Variants in PHIP observed in about 807,000 individuals in gnomAD.
PHIP encodes PHIP subunit of CUL4-Ring ligase complex, also known as PH-interacting protein.
Under a neutral mutation model 236.8 loss-of-function variants are expected in PHIP, and 54 were observed. The ratio of observed to expected loss-of-function variants is 0.23; its 90% CI spans 0.18 to 0.29. PHIP has a LOEUF of 0.29. Ranked by LOEUF, PHIP falls within the 10% of genes least tolerant of loss-of-function variation. The pLI, the probability that PHIP is intolerant of heterozygous loss-of-function variation, is 1.00. For synonymous variants in PHIP, 756 were observed against 718.9 expected (o/e 1.05, Z -0.83); for missense variants, 1,370 against 2,190.8 (o/e 0.63, Z 7.48).
At chr6:79,014,934 G>A (rs1770769324) in intron 15 of PHIP, 148 bp downstream of exon 15, 1 of 601,446 alleles carries the variant, frequency 1.7e-6, no homozygotes, top group Non-Finnish European at 2.9e-6. Context: ...CAATAAAAGT[G>A]TGGAATAAAT....
intron 15 of PHIP, among the ~76,000 whole-genome samples, chr6:79,007,483 A>G (rs1368790376): frequency 6.6e-6 from 1 of 152,100 alleles, no homozygotes; most frequent in Admixed American, 6.5e-5. Flanking sequence ...AAAATTCAGG[A>G]TCTCAATTAT....
intron 6 of PHIP, among the ~76,000 whole-genome samples, chr6:79,058,656 C>T (rs1249919646): frequency 6.6e-6 from 1 of 152,002 alleles, no homozygotes; most frequent in Non-Finnish European, 1.5e-5. Flanking sequence ...ATAATAGTTC[C>T]TACCTATAGA....
intron 19 of PHIP, 49 bp downstream of exon 19, chr6:78,997,365 A>C (rs1225271340): frequency 6.5e-7 from 1 of 1,542,796 alleles, no homozygotes; most frequent in Admixed American, 1.7e-5. Context: ...GTTAACTCCA[A>C]AATGAACCCA....
At position 78,935,657 on chromosome 6, in the gene PHIP, C is replaced by T; in HGVS notation, c.*5036G>A. The T allele has an allele frequency of 1.0e-6, 1 of 983,546 alleles. No homozygotes were observed. The highest frequency in any genetic ancestry group is 1.2e-6 in the Non-Finnish European group (1 of 828,258). The allele number at this position is 983,546 out of a possible 1,614,324, so 60.9% of individuals were successfully genotyped here. A position where few individuals can be genotyped will look rare whatever the true frequency, so the allele number is the denominator to read the frequency against. On this transcript the variant is annotated 3_prime_UTR_variant, in exon 40 of 40. Coordinates refer to ENST00000275034, the MANE Select transcript of PHIP (RefSeq NM_017934.7). ...CTTCAGTTGTTTTGGAATTAAATTA[C>T]ATTTCGGCACCCAAATATCTTTTAA...
chr6:78,971,134 C>A (rs556759741), intron 24 of PHIP, among the ~76,000 whole-genome samples: 80 of 152,256 alleles, frequency 5.3e-4, no homozygotes, highest in African/African-American at 1.9e-3. Flanking sequence ...TCTGGTTTCA[C>A]CATTTTATTC....
At chr6:79,003,180 G>GCCCAC (rs1253282900) in intron 16 of PHIP, among the ~76,000 whole-genome samples, 1 of 151,916 alleles carries the variant, frequency 6.6e-6, no homozygotes, top group Non-Finnish European at 1.5e-5. Context: ...TGAAATGAGA[G>GCCCAC]GATTGTTTGA....
At chr6:79,077,763 C>G in intron 2 of PHIP, 34 bp from the exon 3 acceptor site, 1 of 980,794 alleles carries the variant, frequency 1.0e-6, no homozygotes, top group African/African-American at 1.8e-5. Context: ...CTGAGCCCCG[C>G]GCCCCGGGCC....
At chr6:78,955,582 A>T in intron 33 of PHIP, 31 bp downstream of exon 33, 1 of 723,876 alleles carries the variant, frequency 1.4e-6, no homozygotes, top group Non-Finnish European at 2.4e-6. Context: ...AGAGAATATC[A>T]ATATGGTAAT....
At chr6:79,005,327 A>C (rs1468867573) in intron 15 of PHIP, among the ~76,000 whole-genome samples, 1 of 151,986 alleles carries the variant, frequency 6.6e-6, no homozygotes, top group African/African-American at 2.4e-5. Flanking sequence ...CTATTTCTCC[A>C]GATTACCATA....
intron 4 of PHIP, 86 bp from the exon 5 acceptor site, chr6:79,060,904 A>G: frequency 1.1e-6 from 1 of 886,750 alleles, no homozygotes; most frequent in Non-Finnish European, 1.7e-6. Flanking sequence ...AAATTCATCC[A>G]AGTATAAAAT....
At chr6:78,943,847 G>A (rs1773642890) in intron 39 of PHIP, among the ~76,000 whole-genome samples, 1 of 151,932 alleles carries the variant, frequency 6.6e-6, no homozygotes, top group South Asian at 2.1e-4. Flanking sequence ...TCAGCCAGGT[G>A]TGATGGCACA....
At chr6:78,978,795 A>T in intron 23 of PHIP, 84 bp from the exon 24 acceptor site, 1 of 1,107,590 alleles carries the variant, frequency 9.0e-7, no homozygotes, top group Non-Finnish European at 1.3e-6. Flanking sequence ...AACTATAAAG[A>T]TAATTAAATA....
At chr6:78,975,832 T>C (rs866837611) in intron 24 of PHIP, among the ~76,000 whole-genome samples, 1,511 of 149,512 alleles carry the variant, frequency 0.01, 21 homozygotes, top group Middle Eastern at 0.05. Context: ...GTGAAGGACC[T>C]CTTCAAGGAG....
At chr6:79,008,132 A>C (rs1770391636) in intron 15 of PHIP, among the ~76,000 whole-genome samples, 1 of 151,896 alleles carries the variant, frequency 6.6e-6, no homozygotes, top group Non-Finnish European at 1.5e-5. Flanking sequence ...CGGAGGTTGC[A>C]GTGAGCTGAG....
chr6:79,046,600 G>T (rs544779773), intron 6 of PHIP, among the ~76,000 whole-genome samples: 11 of 152,128 alleles, frequency 7.2e-5, no homozygotes, highest in Non-Finnish European at 1.2e-4. Flanking sequence ...AGGTTTAGTG[G>T]GTACAGGGAC....
rs148506951 is a variant in PHIP, at chr6:79,036,636, C to T, written c.600+6207G>A. Among the ~76,000 whole-genome samples, 89 of 152,146 alleles carry T rather than the reference C, an allele frequency of 5.8e-4. 2 individuals are homozygous for T. The highest frequency in any genetic ancestry group is 2.1e-3 in the African/African-American group (86 of 41,538). On this transcript the variant is annotated intron_variant, in intron 7 of 39. Coordinates refer to ENST00000275034, the MANE Select transcript of PHIP (RefSeq NM_017934.7). ...TTTTTTCTGAACCATTTAAAAGCAA[C>T]GCTGGGCCAGGCGCGGTGGCTCACG...
intron 4 of PHIP, 102 bp downstream of exon 4, chr6:79,077,346 C>A: frequency 8.9e-7 from 1 of 1,117,854 alleles, no homozygotes; most frequent in South Asian, 1.2e-5. Flanking sequence ...GGAGCTTTCA[C>A]GTTCTAGGGC....
intron 12 of PHIP, 66 bp downstream of exon 12, chr6:79,017,280 C>G (rs1312163322): frequency 2.1e-6 from 2 of 956,634 alleles, no homozygotes; most frequent in African/African-American, 3.4e-5. Flanking sequence ...CAAATAAAAT[C>G]TGATGACTAA....
At chr6:78,941,384 T>A (rs1773494197) in intron 39 of PHIP, 54 bp from the exon 40 acceptor site, 7 of 1,351,454 alleles carry the variant, frequency 5.2e-6, no homozygotes, top group Non-Finnish European at 7.1e-6. Flanking sequence ...TTTGTTTGAC[T>A]CTCAAACTTG....
Sources: gnomAD v4.1 joint callset for allele counts (sites outside exome capture counted in the v4.1 genomes callset) on GRCh38, gnomAD v4.1.1 for gene constraint, MANE v1.5 for transcripts, NCBI Gene and HGNC (gene_info 2026-07-23, HGNC 2026-07-21) for gene names.